Variants in GPC5 observed in about 807,000 individuals in gnomAD.
The protein encoded by GPC5 is glypican-5.
A neutral mutation model predicts 53.9 loss-of-function variants in GPC5; 47 were observed. That is an observed-to-expected ratio of 0.87 (90% CI 0.69 to 1.11). The LOEUF (loss-of-function observed/expected upper bound fraction) is 1.11, where lower values mean the gene tolerates loss of function less well. Among genes scored for constraint, GPC5 ranks in the 50% most tolerant of loss-of-function variants. The pLI is 0.00. For missense variants in GPC5, 748 were observed against 713.1 expected, an observed-to-expected ratio of 1.05 and a Z score of -0.56; for synonymous variants, 286 against 263.3, an observed-to-expected ratio of 1.09 and a Z score of -0.84.
intron 5 of GPC5, among the ~76,000 whole-genome samples, chr13:91,899,727 A>C (rs765989815): frequency 1.8e-4 from 27 of 152,152 alleles, no homozygotes; most frequent in Non-Finnish European, 3.7e-4. Context: ...ACACACGGAG[A>C]AGGTCATGTG....
intron 7 of GPC5, among the ~76,000 whole-genome samples, chr13:92,752,547 C>A (rs539435091): frequency 6.6e-6 from 1 of 152,104 alleles, no homozygotes; most frequent in Non-Finnish European, 1.5e-5. Flanking sequence ...ACGCAGAAGA[C>A]GGGTGATTTC....
chr13:91,847,926 G>A (rs1480980284), intron 5 of GPC5, among the ~76,000 whole-genome samples: 1 of 152,080 alleles, frequency 6.6e-6, no homozygotes, highest in Non-Finnish European at 1.5e-5. Flanking sequence ...CTCAATTTCT[G>A]TACTCTCCAT....
At chr13:92,729,471 T>A (rs1487795581) in intron 7 of GPC5, among the ~76,000 whole-genome samples, 1 of 151,442 alleles carries the variant, frequency 6.6e-6, no homozygotes, top group African/African-American at 2.4e-5. Context: ...TATATCAAGT[T>A]AAATGAAACA....
chr13:91,601,021 T>A (rs2033164283), intron 2 of GPC5, among the ~76,000 whole-genome samples: 1 of 152,198 alleles, frequency 6.6e-6, no homozygotes, highest in South Asian at 2.1e-4. Flanking sequence ...TTTAGCTGTG[T>A]CTGGAACTAT....
intron 7 of GPC5, among the ~76,000 whole-genome samples, chr13:92,773,434 T>C (rs895401244): frequency 5.3e-5 from 8 of 152,158 alleles, no homozygotes; most frequent in African/African-American, 1.7e-4. Context: ...TTCACTCTCC[T>C]CATGATGAAT....
intron 2 of GPC5, among the ~76,000 whole-genome samples, chr13:91,623,594 G>C (rs2139378893): frequency 6.6e-6 from 1 of 152,224 alleles, no homozygotes; most frequent in Middle Eastern, 3.4e-3. Context: ...AGTTTCATAG[G>C]TTGTGCATAA....
intron 2 of GPC5, among the ~76,000 whole-genome samples, chr13:91,490,316 A>G (rs586945): frequency 3.3e-5 from 5 of 152,042 alleles, no homozygotes; most frequent in Admixed American, 1.3e-4. Flanking sequence ...AGCTTTGAAG[A>G]CTGGACTCAG....
At chr13:91,795,051 C>G (rs969347706) in intron 5 of GPC5, among the ~76,000 whole-genome samples, 29 of 150,506 alleles carry the variant, frequency 1.9e-4, no homozygotes, top group Non-Finnish European at 5.9e-5. Flanking sequence ...GTCACTGTCT[C>G]TTTATGGATG....
At chr13:91,713,337 ATAC>A (rs1022552776) in intron 3 of GPC5, among the ~76,000 whole-genome samples, 6 of 144,262 alleles carry the variant, frequency 4.2e-5, no homozygotes, top group East Asian at 4.8e-4. Flanking sequence ...CCCCTTTAAA[ATAC>A]TTTCTCGAAT....
At chr13:91,770,704 T>G (rs12869741) in intron 5 of GPC5, among the ~76,000 whole-genome samples, 8 of 145,656 alleles carry the variant, frequency 5.5e-5, no homozygotes, top group East Asian at 4.2e-4. Context: ...GACTGTGTGT[T>G]TGTGTGTGTG....
At chr13:92,755,960 A>T (rs1201652440) in intron 7 of GPC5, among the ~76,000 whole-genome samples, 2 of 151,548 alleles carry the variant, frequency 1.3e-5, no homozygotes, top group Non-Finnish European at 2.9e-5. Flanking sequence ...AAAAGAGGGA[A>T]TCCTCCCTAA....
At chr13:91,506,223 A>G (rs892355874) in intron 2 of GPC5, among the ~76,000 whole-genome samples, 2 of 152,120 alleles carry the variant, frequency 1.3e-5, no homozygotes, top group Non-Finnish European at 2.9e-5. Context: ...ACTTCTCTAA[A>G]GTTGAGTAAT....
At chr13:91,615,309 A>G (rs2033665872) in intron 2 of GPC5, among the ~76,000 whole-genome samples, 1 of 152,204 alleles carries the variant, frequency 6.6e-6, no homozygotes, top group African/African-American at 2.4e-5. Context: ...CCACATGTCC[A>G]CATACTAGTT....
intron 7 of GPC5, among the ~76,000 whole-genome samples, chr13:92,308,991 C>T (rs1295743950): frequency 6.6e-6 from 1 of 152,020 alleles, no homozygotes; most frequent in African/African-American, 2.4e-5. Context: ...ATTCTCTCAT[C>T]TTTTGAGAGG....
intron 7 of GPC5, among the ~76,000 whole-genome samples, chr13:92,182,575 C>T (rs1333683874): frequency 1.3e-5 from 2 of 151,956 alleles, no homozygotes; most frequent in Non-Finnish European, 2.9e-5. Context: ...ATTCATAAAC[C>T]ATATTTTGGT....
chr13:92,258,177 A>G (rs1318674644), intron 7 of GPC5, among the ~76,000 whole-genome samples: 2 of 152,184 alleles, frequency 1.3e-5, no homozygotes, highest in Non-Finnish European at 2.9e-5. Flanking sequence ...CATTTAGAAG[A>G]CAAAATTTAA....
chr13:92,732,193 G>A (rs1888827280), intron 7 of GPC5, among the ~76,000 whole-genome samples: 2 of 151,434 alleles, frequency 1.3e-5, no homozygotes, highest in South Asian at 4.1e-4. Flanking sequence ...ATGCTCTTTG[G>A]TTACAACTAA....
intron 7 of GPC5, among the ~76,000 whole-genome samples, chr13:92,467,059 A>G (rs1440694596): frequency 6.6e-6 from 1 of 152,144 alleles, no homozygotes; most frequent in East Asian, 1.9e-4. Flanking sequence ...TCCCAAAGGT[A>G]GGACAGCACT....
intron 6 of GPC5, among the ~76,000 whole-genome samples, chr13:92,059,211 A>G (rs1383554564): frequency 1.3e-5 from 2 of 152,154 alleles, no homozygotes; most frequent in Non-Finnish European, 2.9e-5. Flanking sequence ...AATGTCTTAG[A>G]TGAGAAGACC....
Sources: allele counts gnomAD v4.1 joint callset (sites outside exome capture counted in the v4.1 genomes callset), GRCh38; gene constraint gnomAD v4.1.1; transcripts MANE v1.5; gene names NCBI Gene and HGNC (gene_info 2026-07-23, HGNC 2026-07-21).